MFAP4: variants seen among roughly 807,000 people sequenced by gnomAD.
MFAP4 encodes the protein microfibril-associated glycoprotein 4.
A neutral mutation model predicts 32.4 loss-of-function variants in MFAP4; 20 were observed. That is an observed-to-expected ratio of 0.62 (90% confidence interval 0.43 to 0.90). MFAP4 has a LOEUF of 0.90. Ranked by LOEUF, MFAP4 falls within the 40% of genes least tolerant of loss-of-function variation. The pLI is 0.00. For synonymous variants in MFAP4, 146 were observed against 137.4 expected (o/e 1.06, Z -0.44); for missense variants, 267 against 329.5 (o/e 0.81, Z 1.47).
chr17:19,384,239 A>C lies in MFAP4; in HGVS notation c.*223T>G. The C allele has an allele frequency of 1.8e-6, 1 of 557,752 alleles. No individual in the cohort carries two copies. The highest frequency in any genetic ancestry group is 3.2e-6 in the Non-Finnish European group (1 of 312,808). 34.6% of individuals were successfully genotyped at this position (557,752 alleles called of 1,614,324 possible). On this transcript the variant is annotated 3_prime_UTR_variant, in exon 6 of 6. Coordinates refer to ENST00000299610, the MANE Select transcript of MFAP4 (RefSeq NM_002404.3). ...GTGCCTCTCGGAAGAGGCCTGGGGA[A>C]CTGCTGGCAGTGTAACTTCAGGTGT...
At chr17:19,385,579 G>T (rs1913004306) in intron 3 of MFAP4, 125 bp from the exon 4 acceptor site, 2 of 793,370 alleles carry the variant, frequency 2.5e-6, no homozygotes, top group Non-Finnish European at 4.2e-6. Context: ...CTGGGTTGGG[G>T]GTGGGGAGGG....
intron 3 of MFAP4, 75 bp from the exon 4 acceptor site, chr17:19,385,529 A>G: frequency 8.4e-7 from 1 of 1,196,864 alleles, no homozygotes. Flanking sequence ...GCCCACCTCA[A>G]GCATGGACCC....
chr17:19,386,241 A>G (rs1913027039), intron 3 of MFAP4, 69 bp downstream of exon 3: 1 of 1,388,546 alleles, frequency 7.2e-7, no homozygotes, highest in Non-Finnish European at 9.6e-7. Context: ...AGGTTCGCAT[A>G]TGTGAAGCCC....
Position 19,385,506 on chromosome 17 carries a change from C to A in MFAP4, c.241-52G>T, listed in dbSNP as rs750907087. 2.0e-6 allele frequency: 3 copies of A among 1,494,814 alleles called. No individual in the cohort carries two copies. In the Admixed American group the frequency reaches 5.2e-5, roughly 26 times the overall value. 92.6% of individuals were successfully genotyped at this position (1,494,814 alleles called of 1,614,324 possible). The stretch of plus-strand genomic sequence containing the variant: ...CATCAAGGGTCCAATGGGCAAGGTT[C>A]TGGTCCTGCCCTGCCCACCTCAAGC... On this transcript the variant is annotated intron_variant, in intron 3 of 5. Transcript: ENST00000299610.
rs1351722710 is a variant in MFAP4, at chr17:19,387,111, T to C, written c.6+39A>G. 4 of 1,612,324 alleles carry C rather than the reference T, an allele frequency of 2.5e-6. No individual in the cohort carries two copies. The African/African-American group carries it at 4.0e-5, about 16-fold the overall frequency. ...CAGGGGCCTCTGGAGTGGGCTCAGT[T>C]CCCCCATGCTATGAGTCCCCCGACC... On this transcript the variant is annotated intron_variant, in intron 1 of 5. Coordinates refer to ENST00000299610, the MANE Select transcript of MFAP4 (RefSeq NM_002404.3).
intron 3 of MFAP4, 124 bp from the exon 4 acceptor site, chr17:19,385,578 G>C: frequency 1.3e-6 from 1 of 788,660 alleles, no homozygotes; most frequent in South Asian, 1.5e-5. Context: ...ACTGGGTTGG[G>C]GGTGGGGAGG....
Position 19,386,335 on chromosome 17 carries a change from A to G in MFAP4, c.215T>C (p.Met72Thr). The G allele has an allele frequency of 1.2e-6, 2 of 1,609,824 alleles. No homozygotes were observed. Among genetic ancestry groups the G allele is most frequent in the African/African-American group, 1.3e-5 (1 of 74,786 alleles). ...CGTCCACTTCCCGCCCTCGGTGGTC[A>G]TGTCACAGAAGACGGGCACAGGCAC... The part of the protein sequence containing the change: ...PSVPVPVFCD[M>T]TTEGGKWTVF... The change falls in exon 3 of 6, where the codon ATG becomes ACG. Residue 72 changes from methionine to threonine, a missense_variant. By Grantham distance (81) the Met-to-Thr change is moderately conservative. Coordinates refer to ENST00000299610, the MANE Select transcript of MFAP4 (RefSeq NM_002404.3).
At chr17:19,386,966 C>G (rs1913062306) in intron 1 of MFAP4, 128 bp from the exon 2 acceptor site, 3 of 1,184,984 alleles carry the variant, frequency 2.5e-6, no homozygotes, top group Non-Finnish European at 3.7e-6. Flanking sequence ...GCTATTTGGC[C>G]CCTCTTCCCT....
In MFAP4 at chr17:19,386,434, A is replaced by G; in HGVS notation, c.116T>C (p.Leu39Pro). 2 of 1,613,844 alleles carry G rather than the reference A, an allele frequency of 1.2e-6. No homozygotes were observed. The highest frequency in any genetic ancestry group is 1.1e-5 in the South Asian group (1 of 91,040). Reference sequence around the variant, plus strand: ...CTGGGCATAGATGTCGTCACAGTCCAGGGGTTGCTGAAGGCAAAACCTCTC... The same window carrying G: ...CTGGGCATAGATGTCGTCACAGTCCGGGGGTTGCTGAAGGCAAAACCTCTC... ...ALERFCLQQPLDCDDIYAQGY... is the reference protein window; with the variant it reads ...ALERFCLQQPPDCDDIYAQGY... The change falls in exon 3 of 6, where the codon CTG (leucine) becomes CCG (proline). Residue 39 changes from leucine (L) to proline (P), a missense_variant. By Grantham distance (98) the Leu-to-Pro change is moderately conservative. Transcript: ENST00000299610.
At chr17:19,386,972 T>TTCCTTCCCCCCCCCC in intron 1 of MFAP4, 134 bp from the exon 2 acceptor site, 1 of 937,014 alleles carries the variant, frequency 1.1e-6, no homozygotes, top group Admixed American at 2.1e-5. Flanking sequence ...TGGCCCCTCT[T>TTCCTTCCCCCCCCCC]CCCTGCCCCC....
rs758008796 is a variant in MFAP4 at position 19,386,295 on chromosome 17, C to T, written c.240+15G>A. 5.1e-6 allele frequency: 8 copies of T among 1,576,108 alleles called. No individual in the cohort carries two copies. In the South Asian group the frequency reaches 9.2e-5, roughly 18 times the overall value. On this transcript the variant is annotated intron_variant, in intron 3 of 5. Coordinates refer to ENST00000299610, the MANE Select transcript of MFAP4 (RefSeq NM_002404.3). ...TTAGAACCAGCTCTGGCCTCTGTTC[C>T]CTCCTCCCACTCACCGTCCACTTCC...
intron 1 of MFAP4, 135 bp downstream of exon 1, chr17:19,387,015 G>T: frequency 8.5e-7 from 1 of 1,175,050 alleles, no homozygotes; most frequent in Non-Finnish European, 1.2e-6. Context: ...CCACTCTCTG[G>T]GACGCTGTGT....
intron 1 of MFAP4, 118 bp downstream of exon 1, chr17:19,387,032 A>C: frequency 7.5e-7 from 1 of 1,332,222 alleles, no homozygotes; most frequent in Non-Finnish European, 9.9e-7. Flanking sequence ...GTGTACCCTC[A>C]TAGCTTACGA....
In MFAP4 at chr17:19,383,843, G is replaced by T; in HGVS notation, c.*619C>A. On this transcript the variant is annotated 3_prime_UTR_variant, in exon 6 of 6. Coordinates refer to ENST00000299610, the MANE Select transcript of MFAP4 (RefSeq NM_002404.3). ...GGTGGTGTGCGGTAGCTGTGTTCTTGGCATAGAGCTTCAGGGGCTGGGATG... is the reference window on the plus strand; with the variant it reads ...GGTGGTGTGCGGTAGCTGTGTTCTTTGCATAGAGCTTCAGGGGCTGGGATG... 1 of 156,220 alleles carries T rather than the reference G, an allele frequency of 6.4e-6. No individual in the cohort carries two copies. Among genetic ancestry groups the T allele is most frequent in the Non-Finnish European group, 1.4e-5 (1 of 70,706 alleles). The allele number at this position is 156,220 out of a possible 1,614,324, so 9.7% of individuals were successfully genotyped here.
In MFAP4 at chr17:19,384,662, G is replaced by T; in HGVS notation, c.568C>A (p.Arg190=). The change falls in exon 6 of 6, where the codon CGG becomes AGG. Residue 190 remains arginine, a synonymous_variant. Transcript: ENST00000299610. The part of the protein sequence containing the change: ...HSGQKFSTFD[R]DQDLFVQNCA... Reference sequence around the variant, plus strand: ...TTCTGCACAAAGAGGTCCTGGTCCCGGTCGAAGGTAGAGAACTTCTGGCCA... The same window carrying T: ...TTCTGCACAAAGAGGTCCTGGTCCCTGTCGAAGGTAGAGAACTTCTGGCCA... The T allele has an allele frequency of 6.2e-7, 1 of 1,614,158 alleles. No homozygotes were observed. Among genetic ancestry groups the T allele is most frequent in the Non-Finnish European group, 8.5e-7 (1 of 1,180,012 alleles).
intron 1 of MFAP4, 139 bp from the exon 2 acceptor site, chr17:19,386,977 G>GGGCCCCCCCCCCCCCCCCCCCCCCAAAAC: frequency 1.5e-6 from 1 of 689,460 alleles, no homozygotes. Context: ...CCTCTTCCCT[G>GGGCCCCCCCCCCCCCCCCCCCCCCAAAAC]CCCCCCCACC....
Position 19,385,102 on chromosome 17 carries a change from C to A in MFAP4, c.517G>T (p.Ala173Ser). The change falls in exon 5 of 6, where the codon GCA (alanine) becomes TCA (serine). Residue 173 changes from alanine (A) to serine (S), a missense_variant. This residue lies in a region of MFAP4 where 223 missense variants were observed against 253.3 expected (regional missense o/e 0.88). Coordinates refer to ENST00000299610, the MANE Select transcript of MFAP4 (RefSeq NM_002404.3). ...CAAAGCTAACAGCGGGTTATACCTG[C>A]CCCGCCATCCTCAAAGCCTGCCACA... ...LFVAGFEDGG[A>S]GDSLSYHSGQ... 4 of 1,613,398 alleles carry A rather than the reference C, an allele frequency of 2.5e-6. No individual in the cohort carries two copies. Among genetic ancestry groups the A allele is most frequent in the Non-Finnish European group, 3.4e-6 (4 of 1,179,460 alleles).
chr17:19,386,986 CCCCG>C, intron 1 of MFAP4, 148 bp from the exon 2 acceptor site: 1 of 965,358 alleles, frequency 1.0e-6, no homozygotes, highest in Non-Finnish European at 1.6e-6. Context: ...TGCCCCCCCA[CCCCG>C]CCCGCCAAGT....
intron 5 of MFAP4, 127 bp downstream of exon 5, chr17:19,384,972 A>G (rs1009003468): frequency 7.7e-7 from 1 of 1,290,646 alleles, no homozygotes; most frequent in Non-Finnish European, 1.1e-6. Context: ...GTTTGGAGCC[A>G]GCTGTGGCCC....
Sources: allele counts gnomAD v4.1 joint callset, GRCh38; gene constraint gnomAD v4.1.1; regional missense constraint gnomAD v4.1.1; transcripts MANE v1.5; gene names NCBI Gene and HGNC (gene_info 2026-07-23, HGNC 2026-07-21).